The following EFCAB6 variants were observed in gnomAD, a reference collection of about 807,000 sequenced individuals.
EFCAB6 encodes EF-hand calcium binding domain 6.
In EFCAB6, 156 loss-of-function variants were observed where a neutral mutation model predicts 169.8. The observed-to-expected ratio is 0.92, with a 90% confidence interval of 0.81 to 1.05. EFCAB6 has a LOEUF of 1.05. EFCAB6 is among the 50% of genes least tolerant of loss of function. The pLI is 0.00. For synonymous variants in EFCAB6, 698 were observed against 676.4 expected (o/e 1.03, Z -0.50); for missense variants, 1,800 against 1,829.1 (o/e 0.98, Z 0.29).
intron 8 of EFCAB6, among the ~76,000 whole-genome samples, chr22:43,725,523 C>T (rs1054365958): frequency 3.3e-5 from 5 of 152,182 alleles, no homozygotes; most frequent in African/African-American, 9.7e-5. Flanking sequence ...GACTCAGTCA[C>T]CTCTTAAAGG....
intron 2 of EFCAB6, among the ~76,000 whole-genome samples, chr22:43,785,723 A>G (rs1285351503): frequency 6.6e-6 from 1 of 152,184 alleles, no homozygotes; most frequent in African/African-American, 2.4e-5. Context: ...TTACTTCAAA[A>G]GATTATCAAA....
intron 10 of EFCAB6, among the ~76,000 whole-genome samples, chr22:43,707,554 A>G (rs2075201591): frequency 6.6e-6 from 1 of 152,222 alleles, no homozygotes; most frequent in African/African-American, 2.4e-5. Context: ...ACAGACAAAG[A>G]GCAGAACCTC....
intron 7 of EFCAB6, among the ~76,000 whole-genome samples, chr22:43,735,447 C>T (rs1472668837): frequency 3.3e-5 from 5 of 151,788 alleles, no homozygotes; most frequent in Admixed American, 2.6e-4. Context: ...ACAGCAACAA[C>T]ACGTGAATCC....
intron 26 of EFCAB6, among the ~76,000 whole-genome samples, chr22:43,563,132 C>T (rs375788394): frequency 7.9e-5 from 12 of 152,164 alleles, no homozygotes; most frequent in East Asian, 1.9e-4. Flanking sequence ...GCGCCGCCTG[C>T]CAGGGCAGAA....
chr22:43,789,847 T>TCACACA (rs34752280), intron 2 of EFCAB6, among the ~76,000 whole-genome samples: 3,954 of 143,360 alleles, frequency 0.028, 113 homozygotes, highest in African/African-American at 0.072. Context: ...TGGCTAACCT[T>TCACACA]CACACACACA....
At chr22:43,592,383 C>T (rs2051619471) in intron 23 of EFCAB6, among the ~76,000 whole-genome samples, 3 of 152,192 alleles carry the variant, frequency 2.0e-5, no homozygotes. Flanking sequence ...AGAATGATTA[C>T]TCGTCATCAC....
intron 7 of EFCAB6, among the ~76,000 whole-genome samples, chr22:43,732,410 T>C (rs189293215): frequency 8.6e-5 from 13 of 151,346 alleles, no homozygotes; most frequent in Non-Finnish European, 1.5e-4. Context: ...ATATGTAACA[T>C]ACAAGGCTTT....
At chr22:43,759,392 TATA>T (rs748414164) in intron 5 of EFCAB6, 12 of 152,238 alleles carry the variant, frequency 7.9e-5, no homozygotes, top group Non-Finnish European at 1.6e-4. Flanking sequence ...TGCTGAGATT[TATA>T]ATGACCGTTT....
At chr22:43,642,910 T>A (rs996287940) in intron 17 of EFCAB6, among the ~76,000 whole-genome samples, 2 of 152,148 alleles carry the variant, frequency 1.3e-5, no homozygotes, top group Non-Finnish European at 2.9e-5. Context: ...AAGAACACCA[T>A]GAATGGTCAC....
At chr22:43,589,595 C>A (rs969108071) in intron 24 of EFCAB6, among the ~76,000 whole-genome samples, 1 of 152,146 alleles carries the variant, frequency 6.6e-6, no homozygotes, top group Non-Finnish European at 1.5e-5. Flanking sequence ...TGAGACCAGC[C>A]TGGCCAACGT....
chr22:43,577,525 C>T (rs1241449954), intron 25 of EFCAB6, among the ~76,000 whole-genome samples: 1 of 152,324 alleles, frequency 6.6e-6, no homozygotes, highest in African/African-American at 2.4e-5. Flanking sequence ...GGCTCTGCTG[C>T]CCACCATAAG....
chr22:43,586,130 TG>T (rs1324744344), intron 24 of EFCAB6, among the ~76,000 whole-genome samples: 1 of 152,068 alleles, frequency 6.6e-6, no homozygotes, highest in Non-Finnish European at 1.5e-5. Context: ...CACTCTTAGT[TG>T]ATCAATGGAG....
chr22:43,550,234 GGC>G (rs1179564491), intron 27 of EFCAB6, among the ~76,000 whole-genome samples: 4 of 152,148 alleles, frequency 2.6e-5, no homozygotes, highest in Non-Finnish European at 1.5e-5. Context: ...AGCTCAGAGA[GGC>G]TGGGCACCTC....
At chr22:43,598,311 G>GAAAAA (rs57712759) in intron 23 of EFCAB6, among the ~76,000 whole-genome samples, 3 of 112,872 alleles carry the variant, frequency 2.7e-5, no homozygotes, top group African/African-American at 7.1e-5. Flanking sequence ...CTGTCTCCGG[G>GAAAAA]AAAAAAAAAA....
intron 10 of EFCAB6, among the ~76,000 whole-genome samples, chr22:43,705,110 C>A (rs1290537482): frequency 1.3e-5 from 2 of 151,848 alleles, no homozygotes; most frequent in East Asian, 3.8e-4. Context: ...GATTTTAAGT[C>A]AAAAATTGTA....
chr22:43,589,023 G>A (rs1569206939), intron 24 of EFCAB6, among the ~76,000 whole-genome samples: 1 of 151,976 alleles, frequency 6.6e-6, no homozygotes, highest in Non-Finnish European at 1.5e-5. Flanking sequence ...GGCATGGGAT[G>A]GGTGAAAAGA....
intron 2 of EFCAB6, among the ~76,000 whole-genome samples, chr22:43,789,916 G>GC (rs1366395312): frequency 2.0e-5 from 3 of 151,084 alleles, no homozygotes; most frequent in African/African-American, 4.9e-5. Flanking sequence ...TGTATTAAAT[G>GC]CAAGTGTAAA....
chr22:43,669,151 C>T, intron 15 of EFCAB6, 106 bp from the exon 16 acceptor site: 1 of 1,013,626 alleles, frequency 9.9e-7, no homozygotes, highest in South Asian at 2.5e-5. Flanking sequence ...AACTTTCATC[C>T]ACTGCTGGTG....
At chr22:43,534,331 T>C (rs1430293658) in intron 30 of EFCAB6, among the ~76,000 whole-genome samples, 3 of 152,180 alleles carry the variant, frequency 2.0e-5, no homozygotes, top group Non-Finnish European at 4.4e-5. Context: ...TCTGCCATGA[T>C]TGTAAGTTTC....
Sources: gnomAD v4.1 joint callset for allele counts (sites outside exome capture counted in the v4.1 genomes callset) on GRCh38, gnomAD v4.1.1 for gene constraint, MANE v1.5 for transcripts, NCBI Gene and HGNC (gene_info 2026-07-23, HGNC 2026-07-21) for gene names.